The following C6orf132 variants were observed in gnomAD, a reference collection of about 807,000 sequenced individuals.
C6orf132 encodes uncharacterized protein C6orf132.
A neutral mutation model predicts 65.3 loss-of-function variants in C6orf132; 43 were observed. That is an observed-to-expected ratio of 0.66 (90% CI 0.52 to 0.85). The LOEUF is 0.85. Among genes scored for constraint, C6orf132 ranks in the 40% least tolerant of loss-of-function variants. C6orf132 has a pLI of 0.00. For synonymous variants in C6orf132, 631 were observed against 654.1 expected (o/e 0.96, Z 0.54); for missense variants, 1,488 against 1,548.8 (o/e 0.96, Z 0.66).
In C6orf132 at chr6:42,105,534, C is replaced by T. The variant is rs1167888387; in HGVS notation, c.2378G>A (p.Gly793Glu). 1 of 1,533,538 alleles carries T rather than the reference C, an allele frequency of 6.5e-7. No homozygotes were observed. The highest frequency in any genetic ancestry group is 8.7e-7 in the Non-Finnish European group (1 of 1,144,912). The allele number at this position is 1,533,538 out of a possible 1,614,324, so 95.0% of individuals were successfully genotyped here. A position where few individuals can be genotyped will look rare whatever the true frequency, so the allele number is the denominator to read the frequency against. ...CACGGGCTCCCCTGGCCCTGCAGCC[C>T]CTCCTCTGGCCAGGGTGGGCATCAC... is the stretch of plus-strand genomic sequence containing the variant. ...AVVMPTLARG[G>E]AAGPGEPVEV... The change falls in exon 4 of 5, where the codon GGG (glycine) becomes GAG (glutamate). Residue 793 changes from glycine to glutamate, a missense_variant. Transcript: ENST00000341865.
Position 42,107,495 on chromosome 6 carries a change from GA to G in C6orf132, c.416del (p.Ile139ThrfsTer86). 1 of 1,545,446 alleles carries G rather than the reference GA, an allele frequency of 6.5e-7. No homozygotes were observed. The highest frequency in any genetic ancestry group is 8.7e-7 in the Non-Finnish European group (1 of 1,143,902). On this transcript the variant is annotated frameshift_variant, in exon 4 of 5. Transcript: ENST00000341865. LOFTEE classifies it high-confidence loss of function. ...GGGCTGGGCCTGGGGGAGGTGGGGGGATGAGTAGATCCTGGCCATATTGTCC... is the reference window on the plus strand; with the variant it reads ...GGGCTGGGCCTGGGGGAGGTGGGGGGTGAGTAGATCCTGGCCATATTGTCC... ...RPGQYGQDLL[I>X]PPPPPGPAPG...
At chr6:42,117,923 CAAAAAAAAAAAAAA>C (rs556142891) in intron 2 of C6orf132, among the ~76,000 whole-genome samples, 1 of 62,320 alleles carries the variant, frequency 1.6e-5, no homozygotes, top group Non-Finnish European at 2.9e-5. Context: ...AACCCTGTCA[CAAAAAAAAAAAAAA>C]AAAAAAAAAA....
intron 2 of C6orf132, among the ~76,000 whole-genome samples, chr6:42,119,518 T>G (rs1582276384): frequency 6.6e-6 from 1 of 151,606 alleles, no homozygotes; most frequent in Non-Finnish European, 1.5e-5. Context: ...CTCATTTTTT[T>G]GTATTTTAAA....
At chr6:42,119,205 C>T (rs111780793) in intron 2 of C6orf132, among the ~76,000 whole-genome samples, 23,979 of 129,144 alleles carry the variant, frequency 0.19, 2,337 homozygotes, top group African/African-American at 0.24. Flanking sequence ...GCTGAGATTG[C>T]GCCACGTCAC....
rs1000176416 is a variant in C6orf132 at position 42,101,556 on chromosome 6, A to T, written c.*2205T>A. ...AGCCACGGAGCTGGAGGCCAGTCCA[A>T]ACTGGCCTGTTTATCTTCCAAGTCA... On this transcript the variant is annotated 3_prime_UTR_variant, in exon 5 of 5. Coordinates refer to ENST00000341865, the MANE Select transcript of C6orf132 (RefSeq NM_001164446.3). 1 of 152,220 alleles carries T rather than the reference A, an allele frequency of 6.6e-6. No homozygotes were observed. The highest frequency in any genetic ancestry group is 2.4e-5 in the African/African-American group (1 of 41,416). The allele number at this position is 152,220 out of a possible 1,614,324, so 9.4% of individuals were successfully genotyped here.
rs1766388780 is a variant in C6orf132, at chr6:42,105,636, G to A, written c.2276C>T (p.Ser759Phe). 2.0e-6 allele frequency: 3 copies of A among 1,537,192 alleles called. No homozygotes were observed. In the East Asian group the frequency reaches 7.3e-5, roughly 38 times the overall value. ...ACATGGCACCTCTCCTCCACCAGGAGATGTCTTTGGTGGGAAGGCTGCAGA... is the reference window on the plus strand; with the variant it reads ...ACATGGCACCTCTCCTCCACCAGGAAATGTCTTTGGTGGGAAGGCTGCAGA... ...RSSAAFPPKT[S>F]PGGGEVPCLY... The change falls in exon 4 of 5, where the codon TCT becomes TTT. Residue 759 changes from serine (S) to phenylalanine (F), a missense_variant. Coordinates refer to ENST00000341865, the MANE Select transcript of C6orf132 (RefSeq NM_001164446.3).
intron 2 of C6orf132, among the ~76,000 whole-genome samples, chr6:42,111,678 G>A (rs71558779): frequency 0.021 from 3,195 of 152,186 alleles, 46 homozygotes; most frequent in South Asian, 0.049. Flanking sequence ...GCCCACCTTG[G>A]CCTCCCAAAG....
chr6:42,105,152 CA>C lies in C6orf132; in HGVS notation c.2759del (p.Leu920ArgfsTer10). The C allele has an allele frequency of 6.5e-7, 1 of 1,537,064 alleles. No individual in the cohort carries two copies. Among genetic ancestry groups the C allele is most frequent in the East Asian group, 2.4e-5 (1 of 40,890 alleles). Reference sequence around the variant, plus strand: ...GCTCTGTGCCCTCTGCGTCTCTTCCCAGCCGCGGCCCCCACTTATTGGGTAT... The same window carrying C: ...GCTCTGTGCCCTCTGCGTCTCTTCCCGCCGCGGCCCCCACTTATTGGGTAT... ...TEIPNKWGPRLGRDAEGTELS... is the reference protein window; with the variant it reads ...TEIPNKWGPRXGRDAEGTELS... On this transcript the variant is annotated frameshift_variant, in exon 4 of 5. Coordinates refer to ENST00000341865, the MANE Select transcript of C6orf132 (RefSeq NM_001164446.3). LOFTEE classifies it high-confidence loss of function.
Position 42,110,396 on chromosome 6 carries a change from G to A in C6orf132, c.253-105C>T, listed in dbSNP as rs949031936. ...TTACTGCTTGAAAATCTGCAGTGAC[G>A]GTCATGGTTGCATAACCTTGTGCAT... is the stretch of plus-strand genomic sequence containing the variant. On this transcript the variant is annotated intron_variant, in intron 2 of 4. Transcript: ENST00000341865. 14 of 834,290 alleles carry A rather than the reference G, an allele frequency of 1.7e-5. No individual in the cohort carries two copies. In the East Asian group the frequency reaches 1.7e-4, roughly 10 times the overall value. The allele number at this position is 834,290 out of a possible 1,614,324, so 51.7% of individuals were successfully genotyped here.
At chr6:42,140,369 T>A (rs542030636) in intron 1 of C6orf132, among the ~76,000 whole-genome samples, 1 of 152,328 alleles carries the variant, frequency 6.6e-6, no homozygotes, top group African/African-American at 2.4e-5. Context: ...GAGGCATGGC[T>A]GAGGTCTCCC....
Position 42,102,993 on chromosome 6 carries a change from G to C in C6orf132, c.*768C>G, listed in dbSNP as rs943101538. The C allele has an allele frequency of 4.0e-5, 16 of 398,338 alleles. No individual in the cohort carries two copies. The highest frequency in any genetic ancestry group is 1.8e-4 in the Admixed American group (4 of 22,706). The allele number at this position is 398,338 out of a possible 1,614,324, so 24.7% of individuals were successfully genotyped here. ...GCACAGGTCTGAATAGCAAAGCCAG[G>C]CTTAACCTTGTTTCCCATCCTAAAC... On this transcript the variant is annotated 3_prime_UTR_variant, in exon 5 of 5. Transcript: ENST00000341865.
chr6:42,135,645 T>C (rs746636963), intron 1 of C6orf132, among the ~76,000 whole-genome samples: 9 of 152,242 alleles, frequency 5.9e-5, no homozygotes, highest in Non-Finnish European at 1.0e-4. Context: ...AGTTATTTAG[T>C]TCTTTCCCCA....
intron 4 of C6orf132, 76 bp from the exon 5 acceptor site, chr6:42,103,954 C>G (rs1444919262): frequency 1.4e-5 from 15 of 1,036,830 alleles, no homozygotes; most frequent in Non-Finnish European, 1.8e-5. Flanking sequence ...CCCGAGGGAC[C>G]GAGAGGAAAA....
chr6:42,116,990 C>G (rs1766593309), intron 2 of C6orf132, among the ~76,000 whole-genome samples: 1 of 152,178 alleles, frequency 6.6e-6, no homozygotes, highest in Non-Finnish European at 1.5e-5. Context: ...CACTTGCGAT[C>G]CATTTCCACA....
chr6:42,112,528 C>T (rs756241375), intron 2 of C6orf132, among the ~76,000 whole-genome samples: 4 of 152,190 alleles, frequency 2.6e-5, no homozygotes, highest in Non-Finnish European at 5.9e-5. Context: ...AATACAATTA[C>T]CCATAGTAGG....
chr6:42,104,571 C>A lies in C6orf132; in HGVS notation c.3341G>T (p.Gly1114Val). The change falls in exon 4 of 5, where the codon GGC (glycine) becomes GTC (valine). Residue 1114 changes from glycine (G) to valine (V), a missense_variant. Gly to Val is a moderately radical substitution (Grantham distance 109). Transcript: ENST00000341865. This position sits in a 1 kb window ranked among gnomAD's most constrained non-coding sequence, Gnocchi z 4.1. ...CAGGGACAGCCTCGGCGCGTGCAGG[C>A]CTCCGGGGGGCGCGCGACCCGCCGA... is the stretch of plus-strand genomic sequence containing the variant. The part of the protein sequence containing the change: ...VNSAGRAPPG[G>V]LHAPRLSLEG... The A allele has an allele frequency of 7.6e-7, 1 of 1,320,946 alleles. No homozygotes were observed. Among genetic ancestry groups the A allele is most frequent in the Non-Finnish European group, 9.6e-7 (1 of 1,040,106 alleles). The allele number at this position is 1,320,946 out of a possible 1,614,324, so 81.8% of individuals were successfully genotyped here.
At chr6:42,128,010 C>T (rs575550758) in intron 2 of C6orf132, among the ~76,000 whole-genome samples, 14 of 151,556 alleles carry the variant, frequency 9.2e-5, no homozygotes, top group Admixed American at 2.0e-4. Flanking sequence ...CTGCAAGCTC[C>T]GCCTCCTGGG....
In C6orf132 at chr6:42,103,151, C is replaced by T. The variant is rs980863440; in HGVS notation, c.*610G>A. The T allele has an allele frequency of 5.0e-6, 2 of 398,702 alleles. No homozygotes were observed. Among genetic ancestry groups the T allele is most frequent in the Non-Finnish European group, 8.8e-6 (2 of 226,084 alleles). 24.7% of individuals were successfully genotyped at this position (398,702 alleles called of 1,614,324 possible). ...ATTCCACATGTGGGAGCTTCACTCC[C>T]CACCCCACACATGGTCCTTCTCCAC... On this transcript the variant is annotated 3_prime_UTR_variant, in exon 5 of 5. Transcript: ENST00000341865.
chr6:42,114,245 G>T (rs1289324872), intron 2 of C6orf132, among the ~76,000 whole-genome samples: 1 of 152,154 alleles, frequency 6.6e-6, no homozygotes, highest in Non-Finnish European at 1.5e-5. Context: ...GACACAAGGG[G>T]ATCCCACAGC....
Sources: gnomAD v4.1 joint callset for allele counts (sites outside exome capture counted in the v4.1 genomes callset) on GRCh38, gnomAD v4.1.1 for gene constraint, Gnocchi (gnomAD v3.1) non-coding constraint, MANE v1.5 for transcripts, NCBI Gene and HGNC (gene_info 2026-07-23, HGNC 2026-07-21) for gene names.